The following YWHAB variants were observed in gnomAD, a reference collection of about 807,000 sequenced individuals.
The protein encoded by YWHAB is 14-3-3 protein beta/alpha.
A neutral mutation model predicts 28.5 loss-of-function variants in YWHAB; 2 were observed. The observed-to-expected ratio is 0.07, with a 90% CI of 0.03 to 0.22. The LOEUF (loss-of-function observed/expected upper bound fraction) is 0.22. Among genes scored for constraint, YWHAB ranks in the 10% least tolerant of loss-of-function variants. The probability of loss-of-function intolerance (pLI) is 1.00; values close to 1 mark genes in which losing one functional copy is unlikely to be tolerated. For synonymous variants in YWHAB, 103 were observed against 104.7 expected (o/e 0.98, Z 0.10); for missense variants, 148 against 297.1 (o/e 0.50, Z 3.69).
At chr20:44,894,111 G>C (rs1015153219) in intron 1 of YWHAB, among the ~76,000 whole-genome samples, 2 of 152,172 alleles carry the variant, frequency 1.3e-5, no homozygotes, top group Non-Finnish European at 2.9e-5. Context: ...CTGACTTGCT[G>C]CATCCAGTGG....
intron 1 of YWHAB, among the ~76,000 whole-genome samples, chr20:44,896,106 A>G (rs1238340505): frequency 6.6e-6 from 1 of 152,272 alleles, no homozygotes; most frequent in East Asian, 1.9e-4. Context: ...ATGCTTTGTG[A>G]GAATATATTC....
At chr20:44,901,316 GGAA>G (rs2066625091) in intron 1 of YWHAB, among the ~76,000 whole-genome samples, 2 of 152,114 alleles carry the variant, frequency 1.3e-5, no homozygotes, top group South Asian at 4.1e-4. Flanking sequence ...GGGACTGTTG[GGAA>G]GATTACTGGA....
chr20:44,888,043 C>G (rs2066538405), intron 1 of YWHAB, among the ~76,000 whole-genome samples: 1 of 152,146 alleles, frequency 6.6e-6, no homozygotes, highest in Admixed American at 6.5e-5. Flanking sequence ...CTTTCTGAAT[C>G]ATTTTCTCGT....
At chr20:44,894,847 C>T (rs2066586312) in intron 1 of YWHAB, among the ~76,000 whole-genome samples, 1 of 152,226 alleles carries the variant, frequency 6.6e-6, no homozygotes, top group African/African-American at 2.4e-5. Context: ...CTGTGACACA[C>T]AGTCCTGCTG....
At chr20:44,906,130 T>C in intron 5 of YWHAB, 34 bp downstream of exon 5, 1 of 1,496,078 alleles carries the variant, frequency 6.7e-7, no homozygotes, top group Non-Finnish European at 9.3e-7. Context: ...TATAGTCTCT[T>C]TCCTATTCAC....
intron 1 of YWHAB, 57 bp downstream of exon 1, chr20:44,885,943 C>G (rs1216670421): frequency 6.6e-6 from 1 of 152,420 alleles, no homozygotes. Context: ...CGAAGCCCCT[C>G]TCTGGCTGCT....
chr20:44,886,013 T>G (rs1413159168), intron 1 of YWHAB, 127 bp downstream of exon 1: 1 of 152,082 alleles, frequency 6.6e-6, no homozygotes, highest in East Asian at 1.9e-4. Flanking sequence ...CCTCTTTCGC[T>G]CCGCGCGGCC....
At chr20:44,888,058 A>G (rs1041900310) in intron 1 of YWHAB, among the ~76,000 whole-genome samples, 6 of 152,226 alleles carry the variant, frequency 3.9e-5, no homozygotes, top group African/African-American at 1.4e-4. Flanking sequence ...TCTCGTCTAT[A>G]TAGCACAAAT....
At chr20:44,902,934 C>A in intron 2 of YWHAB, 1 of 485,232 alleles carries the variant, frequency 2.1e-6, no homozygotes, top group Non-Finnish European at 2.7e-6. Context: ...GTCATGCATT[C>A]CAAGGGCAAG....
chr20:44,896,381 T>C (rs2066596207), intron 1 of YWHAB, among the ~76,000 whole-genome samples: 1 of 152,194 alleles, frequency 6.6e-6, no homozygotes. Flanking sequence ...AAGAATCTTG[T>C]ATGCAGAGTA....
intron 1 of YWHAB, among the ~76,000 whole-genome samples, chr20:44,889,255 A>C (rs1346666966): frequency 6.6e-6 from 1 of 152,170 alleles, no homozygotes; most frequent in Non-Finnish European, 1.5e-5. Context: ...CTGGATTCTG[A>C]GGGAATTTTT....
At chr20:44,903,873 T>C in intron 2 of YWHAB, 120 bp from the exon 3 acceptor site, 3 of 1,131,442 alleles carry the variant, frequency 2.7e-6, no homozygotes, top group African/African-American at 1.6e-5. Context: ...GGATGAAAAA[T>C]TGGTGTTTTT....
intron 3 of YWHAB, 27 bp downstream of exon 3, chr20:44,904,143 C>T (rs1339766940): frequency 7.5e-6 from 12 of 1,610,298 alleles, no homozygotes; most frequent in African/African-American, 2.7e-5. Context: ...AAAAGAAATT[C>T]GACCAGTAAT....
intron 2 of YWHAB, chr20:44,902,570 G>A (rs112342022): frequency 7.9e-5 from 12 of 152,266 alleles, no homozygotes; most frequent in African/African-American, 2.9e-4. Context: ...CACACTTGGG[G>A]ACCTACCACC....
At chr20:44,890,357 G>C (rs1261827621) in intron 1 of YWHAB, among the ~76,000 whole-genome samples, 1 of 152,200 alleles carries the variant, frequency 6.6e-6, no homozygotes, top group Non-Finnish European at 1.5e-5. Flanking sequence ...TTATAGGTCA[G>C]ATGTGTGCTA....
chr20:44,898,493 C>A (rs1296080212), intron 1 of YWHAB, among the ~76,000 whole-genome samples: 4 of 151,456 alleles, frequency 2.6e-5, no homozygotes. Context: ...GAGTGGAGGT[C>A]ATACTTTCTT....
At chr20:44,891,118 G>A (rs1338052436) in intron 1 of YWHAB, among the ~76,000 whole-genome samples, 1 of 151,828 alleles carries the variant, frequency 6.6e-6, no homozygotes, top group East Asian at 1.9e-4. Context: ...AAGTAGATTT[G>A]CCTATGTTTT....
At chr20:44,903,886 A>T in intron 2 of YWHAB, 107 bp from the exon 3 acceptor site, 2 of 1,338,808 alleles carry the variant, frequency 1.5e-6, no homozygotes, top group African/African-American at 1.5e-5. Context: ...GTGTTTTTTT[A>T]ATCTTCCAAA....
chr20:44,895,921 A>G (rs987929873), intron 1 of YWHAB, among the ~76,000 whole-genome samples: 3 of 152,242 alleles, frequency 2.0e-5, no homozygotes, highest in Admixed American at 6.5e-5. Context: ...TTTTATGCTT[A>G]CATTTCAGGA....
Sources: allele counts gnomAD v4.1 joint callset (sites outside exome capture counted in the v4.1 genomes callset), GRCh38; gene constraint gnomAD v4.1.1; transcripts MANE v1.5; gene names NCBI Gene and HGNC (gene_info 2026-07-23, HGNC 2026-07-21).